Variants in BATF2 observed in about 807,000 individuals in gnomAD.
BATF2 encodes basic leucine zipper transcriptional factor ATF-like 2.
In BATF2, 4 loss-of-function variants were observed where a neutral mutation model predicts 7.3. The ratio of observed to expected loss-of-function variants is 0.55; its 90% CI spans 0.27 to 1.26. BATF2 has a LOEUF of 1.26. Ranked by LOEUF, BATF2 falls within the 50% of genes most tolerant of loss-of-function variation. The pLI, the probability that BATF2 is intolerant of heterozygous loss-of-function variation, is 0.11. For synonymous variants in BATF2, 152 were observed against 153.9 expected, an observed-to-expected ratio of 0.99 and a Z score of 0.09; for missense variants, 295 against 340.5, an observed-to-expected ratio of 0.87 and a Z score of 1.05.
chr11:64,995,185 GC>G, intron 1 of BATF2, among the ~76,000 whole-genome samples: 1 of 152,162 alleles, frequency 6.6e-6, no homozygotes, highest in Admixed American at 6.6e-5. Flanking sequence ...GAACCCAATC[GC>G]CCCATCCCTG....
At chr11:64,990,753 A>C in intron 2 of BATF2, 1 of 547,768 alleles carries the variant, frequency 1.8e-6, no homozygotes, top group African/African-American at 2.1e-5. Flanking sequence ...AAGAAGTTGC[A>C]AAGGTGTTTT....
At chr11:64,991,477 T>G (rs1235560761) in intron 2 of BATF2, among the ~76,000 whole-genome samples, 2 of 152,290 alleles carry the variant, frequency 1.3e-5, no homozygotes, top group East Asian at 3.9e-4. Flanking sequence ...ATTTCTAAAA[T>G]GTATCATTAG....
intron 2 of BATF2, among the ~76,000 whole-genome samples, chr11:64,993,005 A>C (rs541533617): frequency 6.6e-6 from 1 of 152,246 alleles, no homozygotes; most frequent in African/African-American, 2.4e-5. Flanking sequence ...ATTAAAAAAT[A>C]AAGAATATGA....
rs1256184206 is a variant in BATF2 at position 64,989,462 on chromosome 11, A to C, written c.492T>G (p.Ala164=). 5 of 1,611,418 alleles carry C rather than the reference A, an allele frequency of 3.1e-6. No homozygotes were observed. Among genetic ancestry groups the C allele is most frequent in the Non-Finnish European group, 4.2e-6 (5 of 1,178,772 alleles). Residue 164 remains alanine, a synonymous_variant, in exon 3 of 3, where the codon GCT becomes GCG. Coordinates refer to ENST00000301887, the MANE Select transcript of BATF2 (RefSeq NM_138456.4). The surrounding 1 kb of genome is among the most constrained non-coding windows in gnomAD (Gnocchi z 4.3). The part of the protein sequence containing the change: ...PSLSLGPAVV[A]EPPVQLSPSP... ...TGGGGGACAGCTGGACAGGAGGTTC[A>C]GCAACCACAGCGGGGCCAAGGGACA...
intron 2 of BATF2, chr11:64,990,091 C>T (rs552902575): frequency 4.6e-6 from 7 of 1,535,784 alleles, no homozygotes; most frequent in African/African-American, 1.4e-5. Context: ...ATGCACGGGC[C>T]TCCAACCCGT....
Position 64,989,605 on chromosome 11 carries a change from A to G in BATF2, c.349T>C (p.Cys117Arg). The change falls in exon 3 of 3, where the codon TGC becomes CGC. Residue 117 changes from cysteine to arginine, a missense_variant. Physicochemically the swap from Cys to Arg is radical, Grantham distance 180. Transcript: ENST00000301887. The surrounding 1 kb of genome is among the most constrained non-coding windows in gnomAD (Gnocchi z 4.3). ...TGGAACAGCTCCAGCTGCTCCCGGC[A>G]GCCATGTTGTCCCTGTGGGCCAGGG... ...LGPGPQGQHG[C>R]REQLELFQTP... 5 of 1,607,584 alleles carry G rather than the reference A, an allele frequency of 3.1e-6. No individual in the cohort carries two copies. Among genetic ancestry groups the G allele is most frequent in the Non-Finnish European group, 3.4e-6 (4 of 1,177,330 alleles).
chr11:64,991,084 C>T (rs1268320232), intron 2 of BATF2, among the ~76,000 whole-genome samples: 1 of 151,314 alleles, frequency 6.6e-6, no homozygotes, highest in Admixed American at 6.6e-5. Context: ...GCCACCGCGC[C>T]CGGCCCTGGA....
intron 2 of BATF2, chr11:64,990,194 AAATTCCCTGTGGTAG>A: frequency 6.5e-7 from 1 of 1,535,650 alleles, no homozygotes; most frequent in South Asian, 1.2e-5. Context: ...GGCACCCACC[AAATTCCCTGTGGTAG>A]AATTCCAGGC....
At chr11:64,996,161 A>G (rs533877913) in intron 1 of BATF2, among the ~76,000 whole-genome samples, 9 of 152,022 alleles carry the variant, frequency 5.9e-5, no homozygotes, top group African/African-American at 1.2e-4. Flanking sequence ...GGGTTTCACC[A>G]TGTTGGCCAG....
chr11:64,989,874 C>G lies in BATF2; in HGVS notation c.142-62G>C, dbSNP rs531632040. ...GCCAGTGTCAGGGGCCCCGCATGAG[C>G]CTTAGCCCCTTCCAGGGTCCTCAAC... On this transcript the variant is annotated intron_variant, in intron 2 of 2. Coordinates refer to ENST00000301887, the MANE Select transcript of BATF2 (RefSeq NM_138456.4). This position sits in a 1 kb window ranked among gnomAD's most constrained non-coding sequence, Gnocchi z 4.3. 152 of 1,568,006 alleles carry G rather than the reference C, an allele frequency of 9.7e-5. No homozygotes were observed. In the African/African-American group the frequency reaches 1.9e-3, roughly 20 times the overall value.
intron 2 of BATF2, 68 bp downstream of exon 2, chr11:64,994,380 T>A: frequency 6.9e-7 from 1 of 1,447,116 alleles, no homozygotes; most frequent in Admixed American, 2.0e-5. Flanking sequence ...AAAGGTGGGA[T>A]GGAGAAGAGG....
chr11:64,991,386 A>T (rs1946076363), intron 2 of BATF2, among the ~76,000 whole-genome samples: 1 of 151,278 alleles, frequency 6.6e-6, no homozygotes, highest in South Asian at 2.1e-4. Context: ...CGAACTCCTG[A>T]CCTCGTGATC....
chr11:64,991,767 A>G (rs901961291), intron 2 of BATF2, among the ~76,000 whole-genome samples: 19 of 152,076 alleles, frequency 1.2e-4, no homozygotes, highest in African/African-American at 4.3e-4. Context: ...TACTGTGTCT[A>G]CAGCTCTATA....
rs1396224018 is a variant in BATF2 at position 64,989,446 on chromosome 11, G to A, written c.508C>T (p.Leu170=). The A allele has an allele frequency of 1.2e-6, 2 of 1,610,134 alleles. No individual in the cohort carries two copies. Among genetic ancestry groups the A allele is most frequent in the Non-Finnish European group, 1.7e-6 (2 of 1,178,030 alleles). ...PAVVAEPPVQ[L]SPSPLLFASH... Reference sequence around the variant, plus strand: ...GCAAACAGGAGAGGGCTGGGGGACAGCTGGACAGGAGGTTCAGCAACCACA... The same window carrying A: ...GCAAACAGGAGAGGGCTGGGGGACAACTGGACAGGAGGTTCAGCAACCACA... Residue 170 remains leucine, a synonymous_variant, in exon 3 of 3, where the codon CTG becomes TTG. Coordinates refer to ENST00000301887, the MANE Select transcript of BATF2 (RefSeq NM_138456.4). The surrounding 1 kb of genome is among the most constrained non-coding windows in gnomAD (Gnocchi z 4.3).
At chr11:64,995,160 G>A (rs994224355) in intron 1 of BATF2, among the ~76,000 whole-genome samples, 2 of 151,968 alleles carry the variant, frequency 1.3e-5, no homozygotes, top group South Asian at 2.1e-4. Context: ...GTGCCCAGCC[G>A]AGCCCCATAT....
At chr11:64,993,528 A>T (rs1198472939) in intron 2 of BATF2, among the ~76,000 whole-genome samples, 1 of 152,184 alleles carries the variant, frequency 6.6e-6, no homozygotes, top group African/African-American at 2.4e-5. Flanking sequence ...TTGATCTTGG[A>T]CTTCCCAGCC....
In BATF2 at chr11:64,989,116, T is replaced by C; in HGVS notation, c.*13A>G. On this transcript the variant is annotated 3_prime_UTR_variant, in exon 3 of 3. Coordinates refer to ENST00000301887, the MANE Select transcript of BATF2 (RefSeq NM_138456.4). The surrounding 1 kb of genome is among the most constrained non-coding windows in gnomAD (Gnocchi z 4.3). ...AGCCCAAAGAAGGGGCCAACCCAGCTCCGAAGACCAGGTTAGAAGTGGACT... is the reference window on the plus strand; with the variant it reads ...AGCCCAAAGAAGGGGCCAACCCAGCCCCGAAGACCAGGTTAGAAGTGGACT... The C allele has an allele frequency of 1.2e-6, 2 of 1,613,810 alleles. No homozygotes were observed. The highest frequency in any genetic ancestry group is 1.7e-6 in the Non-Finnish European group (2 of 1,179,902).
rs1476637009 is a variant in BATF2 at position 64,988,356 on chromosome 11, G to A, written c.*773C>T. The A allele has an allele frequency of 6.6e-6, 1 of 152,306 alleles. No individual in the cohort carries two copies. The highest frequency in any genetic ancestry group is 1.5e-5 in the Non-Finnish European group (1 of 68,154). 9.4% of individuals were successfully genotyped at this position (152,306 alleles called of 1,614,324 possible). ...TTCTTTCCTCTTCCTTTTTGTTTAT[G>A]AGATGAATGGCTCTTCTGCTGTGGC... is the stretch of plus-strand genomic sequence containing the variant. On this transcript the variant is annotated 3_prime_UTR_variant, in exon 3 of 3. Transcript: ENST00000301887.
At chr11:64,991,130 G>A (rs1946073615) in intron 2 of BATF2, among the ~76,000 whole-genome samples, 1 of 148,920 alleles carries the variant, frequency 6.7e-6, no homozygotes, top group Non-Finnish European at 1.5e-5. Flanking sequence ...TTGCCACGCT[G>A]GTTTCTACAT....
Sources: allele counts gnomAD v4.1 joint callset (sites outside exome capture counted in the v4.1 genomes callset), GRCh38; gene constraint gnomAD v4.1.1; non-coding constraint Gnocchi (gnomAD v3.1); transcripts MANE v1.5; gene names NCBI Gene and HGNC (gene_info 2026-07-23, HGNC 2026-07-21).